CDH4: variants seen among roughly 807,000 people sequenced by gnomAD.
CDH4 encodes the protein cadherin 4.
In CDH4, 33 loss-of-function variants were observed where a neutral mutation model predicts 86.0. That is an observed-to-expected ratio of 0.38 (90% CI 0.29 to 0.51). The LOEUF is 0.51. Ranked by LOEUF, CDH4 falls within the 20% of genes least tolerant of loss-of-function variation. The pLI, the probability that CDH4 is intolerant of heterozygous loss-of-function variation, is 0.86. For synonymous variants in CDH4, 555 were observed against 549.4 expected (o/e 1.01, Z -0.14); for missense variants, 1,114 against 1,307.4 (o/e 0.85, Z 2.28).
chr20:61,534,295 C>T (rs763524673), intron 2 of CDH4, among the ~76,000 whole-genome samples: 42 of 152,252 alleles, frequency 2.8e-4, no homozygotes, highest in Non-Finnish European at 1.8e-4. Context: ...ACTGTGGCTT[C>T]GCTTTGCATT....
intron 2 of CDH4, among the ~76,000 whole-genome samples, chr20:61,697,424 C>T (rs2087726176): frequency 6.6e-6 from 1 of 152,122 alleles, no homozygotes; most frequent in African/African-American, 2.4e-5. Flanking sequence ...ATGGTAAAAC[C>T]CCGTCTCTAC....
At chr20:61,706,674 C>T (rs975035144) in intron 2 of CDH4, among the ~76,000 whole-genome samples, 13 of 152,184 alleles carry the variant, frequency 8.5e-5, no homozygotes, top group Admixed American at 5.9e-4. Context: ...ACAGTGGCAC[C>T]GACTCCCTGA....
chr20:61,314,829 G>C (rs2084467658), intron 2 of CDH4, among the ~76,000 whole-genome samples: 1 of 152,210 alleles, frequency 6.6e-6, no homozygotes, highest in Non-Finnish European at 1.5e-5. Context: ...GTCCTAACAA[G>C]TGTGCGATGA....
intron 2 of CDH4, among the ~76,000 whole-genome samples, chr20:61,546,707 T>A (rs1272701960): frequency 6.6e-6 from 1 of 152,036 alleles, no homozygotes; most frequent in Non-Finnish European, 1.5e-5. Flanking sequence ...GAAGCTGGCC[T>A]AGGTCTGAAA....
chr20:61,682,319 G>T (rs1368527283), intron 2 of CDH4, among the ~76,000 whole-genome samples: 2 of 142,164 alleles, frequency 1.4e-5, no homozygotes, highest in Admixed American at 6.9e-5. Flanking sequence ...GATGGAAGGA[G>T]AGAGGGAGGG....
At chr20:61,685,684 A>G (rs1050326486) in intron 2 of CDH4, among the ~76,000 whole-genome samples, 5 of 152,302 alleles carry the variant, frequency 3.3e-5, no homozygotes, top group African/African-American at 9.6e-5. Context: ...ACAGAGTGAG[A>G]CTGTCCTCAG....
At chr20:61,646,518 G>A (rs918591933) in intron 2 of CDH4, among the ~76,000 whole-genome samples, 6 of 152,190 alleles carry the variant, frequency 3.9e-5, no homozygotes, top group Non-Finnish European at 5.9e-5. Flanking sequence ...TGGGCCAGCC[G>A]TTCACCCCCT....
At position 61,935,414 on chromosome 20, in the gene CDH4, G is replaced by A. The variant is rs573606127; in HGVS notation, c.2544+1194G>A. Among the ~76,000 whole-genome samples the A allele has an allele frequency of 7.2e-5, 11 of 152,256 alleles. No individual in the cohort carries two copies. In the South Asian group the frequency reaches 1.4e-3, roughly 20 times the overall value. ...TTACCGTCTATGACATAATAAAAAC[G>A]TAAAGATCCCCAAACGTTTGCCCTG... On this transcript the variant is annotated intron_variant, in intron 15 of 15. Coordinates refer to ENST00000614565, the MANE Select transcript of CDH4 (RefSeq NM_001794.5).
At chr20:61,304,219 C>G (rs2084401837) in intron 2 of CDH4, among the ~76,000 whole-genome samples, 1 of 152,024 alleles carries the variant, frequency 6.6e-6, no homozygotes, top group African/African-American at 2.4e-5. Context: ...CCTCCGAACG[C>G]AGTTCTCAGC....
At chr20:61,753,188 T>C (rs1298036633) in intron 3 of CDH4, among the ~76,000 whole-genome samples, 3 of 152,060 alleles carry the variant, frequency 2.0e-5, no homozygotes, top group Non-Finnish European at 4.4e-5. Context: ...CAGTGTTTAT[T>C]GAGAGGAGCC....
chr20:61,664,672 C>G (rs1423037657), intron 2 of CDH4, among the ~76,000 whole-genome samples: 1 of 152,210 alleles, frequency 6.6e-6, no homozygotes, highest in East Asian at 1.9e-4. Context: ...CCTGGGCAGC[C>G]CAGAGAAGTT....
At chr20:61,508,685 C>T (rs955941884) in intron 2 of CDH4, among the ~76,000 whole-genome samples, 3 of 152,258 alleles carry the variant, frequency 2.0e-5, no homozygotes, top group African/African-American at 7.2e-5. Context: ...TCAGGACAGG[C>T]AGTGAAGCCC....
chr20:61,895,279 G>A (rs535401599), intron 8 of CDH4, among the ~76,000 whole-genome samples: 11 of 152,354 alleles, frequency 7.2e-5, no homozygotes, highest in Admixed American at 2.0e-4. Flanking sequence ...GGCGGAGGTC[G>A]GTTGCCACCT....
chr20:61,593,256 C>G (rs1030122740), intron 2 of CDH4, among the ~76,000 whole-genome samples: 1 of 152,234 alleles, frequency 6.6e-6, no homozygotes, highest in African/African-American at 2.4e-5. Context: ...CTGATGCACA[C>G]AGGGTGTCCT....
At chr20:61,556,307 G>C (rs2086177086) in intron 2 of CDH4, among the ~76,000 whole-genome samples, 1 of 152,154 alleles carries the variant, frequency 6.6e-6, no homozygotes, top group Non-Finnish European at 1.5e-5. Flanking sequence ...GAACATAGTG[G>C]AGAATCTCTC....
rs1980378419 is a variant in CDH4 at position 61,810,513 on chromosome 20, C to T, written c.577-34155C>T. ...GTGGGAAGGAGCAAGGGAGCGTGTA[C>T]GGGAACCAGAATCAGGGAGCCACAG... On this transcript the variant is annotated intron_variant, in intron 4 of 15. Transcript: ENST00000614565. The surrounding 1 kb of genome is among the most constrained non-coding windows in gnomAD (Gnocchi z 4.3). Among the ~76,000 whole-genome samples, 1 of 152,088 alleles carries T rather than the reference C, an allele frequency of 6.6e-6. No homozygotes were observed.
At position 61,928,302 on chromosome 20, in the gene CDH4, G is replaced by T; in HGVS notation, c.1884G>T (p.Leu628=). 1 of 1,610,806 alleles carries T rather than the reference G, an allele frequency of 6.2e-7. No homozygotes were observed. The change falls in exon 12 of 16, where the codon CTG becomes CTT. Residue 628 remains leucine, a synonymous_variant. Coordinates refer to ENST00000614565, the MANE Select transcript of CDH4 (RefSeq NM_001794.5). ...KEAQICEKPN[L]NAINITAADA... ...CGCAGATCTGCGAGAAGCCCAACCT[G>T]AACGCCATCAACATCACGGCGGCCG...
chr20:61,387,421 G>GAC (rs11472506), intron 2 of CDH4, among the ~76,000 whole-genome samples: 5 of 148,284 alleles, frequency 3.4e-5, no homozygotes, highest in Non-Finnish European at 7.5e-5. Flanking sequence ...AACACACAGA[G>GAC]ACACACAGCC....
chr20:61,601,792 G>A (rs1441008778), intron 2 of CDH4, among the ~76,000 whole-genome samples: 7 of 152,362 alleles, frequency 4.6e-5, no homozygotes, highest in Non-Finnish European at 1.0e-4. Flanking sequence ...TTTAGGCCAA[G>A]CTCAGTCCAC....
Sources: allele counts gnomAD v4.1 joint callset (sites outside exome capture counted in the v4.1 genomes callset), GRCh38; gene constraint gnomAD v4.1.1; non-coding constraint Gnocchi (gnomAD v3.1); transcripts MANE v1.5; gene names NCBI Gene and HGNC (gene_info 2026-07-23, HGNC 2026-07-21).